Variants in NEB observed in about 807,000 individuals in gnomAD.
The protein encoded by NEB is nebulin.
In NEB, 512 loss-of-function variants were observed where a neutral mutation model predicts 952.2. The observed-to-expected ratio is 0.54, with a 90% CI of 0.50 to 0.58. NEB has a LOEUF of 0.58. NEB is among the 20% of genes least tolerant of loss of function. The pLI is 0.00. For missense variants in NEB, 8,428 were observed against 9,231.1 expected (o/e 0.91, Z 3.56); for synonymous variants, 2,900 against 3,149.8 (o/e 0.92, Z 2.66).
chr2:151,504,415 G>T (rs2067160908), intron 165 of NEB, among the ~76,000 whole-genome samples: 1 of 152,182 alleles, frequency 6.6e-6, no homozygotes, highest in South Asian at 2.1e-4. Flanking sequence ...AAGTTGTAAT[G>T]CAAAGTGACA....
intron 161 of NEB, 144 bp downstream of exon 161, chr2:151,512,589 C>T (rs964916091): frequency 2.9e-6 from 2 of 692,998 alleles, no homozygotes; most frequent in South Asian, 1.7e-5. Flanking sequence ...GCTGGGAATA[C>T]AGACGTGAGC....
chr2:151,578,722 G>GGAGGGAAGGAAGGAAGGAAT (rs1553828011), intron 105 of NEB, among the ~76,000 whole-genome samples: 1 of 148,566 alleles, frequency 6.7e-6, no homozygotes, highest in Non-Finnish European at 1.5e-5. Flanking sequence ...AAGGAAGGAA[G>GGAGGGAAGGAAGGAAGGAAT]GAGGGAAGGA....
chr2:151,642,128 C>T (rs191357992), intron 60 of NEB, among the ~76,000 whole-genome samples: 2 of 152,152 alleles, frequency 1.3e-5, no homozygotes, highest in Non-Finnish European at 2.9e-5. Flanking sequence ...TATTTGTAAC[C>T]CACCACCTGA....
chr2:151,705,312 CAT>C (rs1183094649), intron 13 of NEB, among the ~76,000 whole-genome samples: 1 of 152,022 alleles, frequency 6.6e-6, no homozygotes, highest in Non-Finnish European at 1.5e-5. Context: ...TCACTTTTTT[CAT>C]TCTGGGTTTT....
At chr2:151,642,742 C>T (rs768602584) in intron 59 of NEB, 23 bp downstream of exon 59, 51 of 1,601,766 alleles carry the variant, frequency 3.2e-5, no homozygotes, top group Middle Eastern at 1.7e-4. Context: ...AAATGTATCA[C>T]GCACTATGAA....
At position 151,671,125 on chromosome 2, in the gene NEB, A is replaced by G. The variant is rs913262706; in HGVS notation, c.4404T>C (p.Asn1468=). The G allele has an allele frequency of 1.2e-6, 2 of 1,613,856 alleles. No homozygotes were observed. The highest frequency in any genetic ancestry group is 2.7e-5 in the African/African-American group (2 of 74,920). Residue 1468 remains asparagine (N), a synonymous_variant, in exon 38 of 182, where the codon AAT becomes AAC. Coordinates refer to ENST00000397345, the MANE Select transcript of NEB (RefSeq NM_001164508.2). ...CTGGGTGCTGTCGATACTTCCTCTCATTTAATGCATCGCCTGCTTTCTTGA... is the reference window on the plus strand; with the variant it reads ...CTGGGTGCTGTCGATACTTCCTCTCGTTTAATGCATCGCCTGCTTTCTTGA... The part of the protein sequence containing the change: ...EKVKKAGDAL[N]ERKYRQHPDT...
chr2:151,546,136 CA>C, intron 134 of NEB, 138 bp from the exon 135 acceptor site: 1 of 727,356 alleles, frequency 1.4e-6, no homozygotes, highest in Non-Finnish European at 2.3e-6. Context: ...CAGGCAGGAG[CA>C]AAAACAATTG....
chr2:151,553,966 C>T lies in NEB; in HGVS notation c.19488G>A (p.Met6496Ile). Residue 6496 changes from methionine to isoleucine, a missense_variant, in exon 126 of 182, where the codon ATG (methionine) becomes ATA (isoleucine). This residue lies in a region of NEB where 3,374 missense variants were observed against 3,651.5 expected (regional missense o/e 0.92). Coordinates refer to ENST00000397345, the MANE Select transcript of NEB (RefSeq NM_001164508.2). ...AATCCTTGGCAGTAACCATCTCTAC[C>T]ATGTCGGGCACGATGTGGATTTTCA... The part of the protein sequence containing the change: ...NKMKIHIVPD[M>I]VEMVTAKDSQ... 1 of 1,613,852 alleles carries T rather than the reference C, an allele frequency of 6.2e-7. No individual in the cohort carries two copies. The highest frequency in any genetic ancestry group is 8.5e-7 in the Non-Finnish European group (1 of 1,179,800).
intron 34 of NEB, among the ~76,000 whole-genome samples, chr2:151,675,707 C>T (rs1051521522): frequency 2.0e-5 from 3 of 152,098 alleles, no homozygotes; most frequent in African/African-American, 4.8e-5. Context: ...TTATTATTTG[C>T]CTGTGAGTTA....
Position 151,506,429 on chromosome 2 carries a change from A to G in NEB, c.23557-171T>C, listed in dbSNP as rs1304491968. On this transcript the variant is annotated intron_variant, in intron 163 of 181. Coordinates refer to ENST00000397345, the MANE Select transcript of NEB (RefSeq NM_001164508.2). ...TTCCATGTCAGTATCAGTGACTCAGACCAGTTATACAACATGGATCTTTCC... is the reference window on the plus strand; with the variant it reads ...TTCCATGTCAGTATCAGTGACTCAGGCCAGTTATACAACATGGATCTTTCC... 5 of 591,156 alleles carry G rather than the reference A, an allele frequency of 8.5e-6. No homozygotes were observed. The Admixed American group carries it at 1.5e-4, about 18-fold the overall frequency. 36.6% of individuals were successfully genotyped at this position (591,156 alleles called of 1,614,324 possible).
At chr2:151,498,201 T>C in intron 170 of NEB, 59 bp downstream of exon 170, 1 of 1,548,972 alleles carries the variant, frequency 6.5e-7, no homozygotes, top group Non-Finnish European at 8.7e-7. Context: ...TAAATAAATG[T>C]AAAGATCAGT....
rs542880285 is a variant in NEB, at chr2:151,731,365, G to A, written c.37-1709C>T. Among the ~76,000 whole-genome samples the A allele has an allele frequency of 2.6e-5, 4 of 152,292 alleles. No individual in the cohort carries two copies. In the East Asian group the frequency reaches 7.7e-4, roughly 29 times the overall value. ...CTTTTCAAGTTTAAGTTAGAGTAGAGAGAACAGTAAAACTTTATTTCAGAT... is the reference window on the plus strand; with the variant it reads ...CTTTTCAAGTTTAAGTTAGAGTAGAAAGAACAGTAAAACTTTATTTCAGAT... On this transcript the variant is annotated intron_variant, in intron 3 of 181. Coordinates refer to ENST00000397345, the MANE Select transcript of NEB (RefSeq NM_001164508.2).
In NEB at chr2:151,576,245, A is replaced by G. The variant is rs527672223; in HGVS notation, c.16814T>C (p.Val5605Ala). ...KNAQNIFCDS[V>A]YRTPVVNLKY... ...AAGGTTCACCACAGGCGTCCGATAG[A>G]CACTGTCACAAAAGATATTCTGGGC... is the stretch of plus-strand genomic sequence containing the variant. The change falls in exon 106 of 182, where the codon GTC (valine) becomes GCC (alanine). Residue 5605 changes from valine to alanine, a missense_variant. Coordinates refer to ENST00000397345, the MANE Select transcript of NEB (RefSeq NM_001164508.2). 4 of 1,611,484 alleles carry G rather than the reference A, an allele frequency of 2.5e-6. No homozygotes were observed. The Admixed American group carries it at 6.7e-5, about 27-fold the overall frequency.
At chr2:151,507,722 G>A (rs1207269231) in intron 162 of NEB, 1 of 351,762 alleles carries the variant, frequency 2.8e-6, no homozygotes, top group Non-Finnish European at 5.2e-6. Context: ...TCTGTCTTTT[G>A]TTACAGGGGT....
In NEB at chr2:151,525,204, C is replaced by T. The variant is rs779124287; in HGVS notation, c.22231G>A (p.Glu7411Lys). The stretch of plus-strand genomic sequence containing the variant: ...GCCACTTCCATAGCATGTTTCACCT[C>T]TGGTGGCTCCAGCATGATGGAGTAG... ...SNYSIMLEPP[E>K]VKHAMEVAKK... The change falls in exon 151 of 182, where the codon GAG (glutamate) becomes AAG (lysine). Residue 7411 changes from glutamate (E) to lysine (K), a missense_variant. Glu to Lys is a moderately conservative substitution (Grantham distance 56). Around this residue, in one of 11 missense-constraint regions of NEB, gnomAD observed 3,374 missense variants for 3,651.5 expected, o/e 0.92. Coordinates refer to ENST00000397345, the MANE Select transcript of NEB (RefSeq NM_001164508.2). 5.0e-6 allele frequency: 8 copies of T among 1,614,008 alleles called. No homozygotes were observed. The South Asian group carries it at 8.8e-5, about 18-fold the overall frequency.
rs768826001 is a variant in NEB, at chr2:151,524,394, G to C, written c.22396C>G (p.Arg7466Gly). 6.2e-7 allele frequency: 1 copy of C among 1,613,922 alleles called. No individual in the cohort carries two copies. Among genetic ancestry groups the C allele is most frequent in the Admixed American group, 1.7e-5 (1 of 60,024 alleles). ...CTTAAGCCATGGCTGCCTTCCTTGCGGTGCTTGGCTCTGTACTCCACCTGA... is the reference window on the plus strand; with the variant it reads ...CTTAAGCCATGGCTGCCTTCCTTGCCGTGCTTGGCTCTGTACTCCACCTGA... The part of the protein sequence containing the change: ...ASEVEYRAKH[R>G]KEGSHGLSML... The change falls in exon 153 of 182, where the codon CGC (arginine) becomes GGC (glycine). Residue 7466 changes from arginine (R) to glycine (G), a missense_variant. Transcript: ENST00000397345.
chr2:151,497,269 G>A, intron 171 of NEB: 1 of 912,376 alleles, frequency 1.1e-6, no homozygotes, highest in Non-Finnish European at 1.3e-6. Flanking sequence ...GGCTGTCAGA[G>A]TTATCCATGT....
chr2:151,503,897 C>T (rs960909958), intron 165 of NEB, among the ~76,000 whole-genome samples: 3 of 152,132 alleles, frequency 2.0e-5, no homozygotes, highest in South Asian at 4.1e-4. Flanking sequence ...GAATGTTCCT[C>T]GCTGGCTCCT....
At chr2:151,529,148 C>A in intron 146 of NEB, 62 bp downstream of exon 146, 2 of 1,082,220 alleles carry the variant, frequency 1.8e-6, no homozygotes, top group Middle Eastern at 4.0e-4. Context: ...TAAAAAGAGG[C>A]CATGTGTCCT....
Sources: gnomAD v4.1 joint callset for allele counts (sites outside exome capture counted in the v4.1 genomes callset) on GRCh38, gnomAD v4.1.1 for gene constraint, gnomAD v4.1.1 regional missense constraint, MANE v1.5 for transcripts, NCBI Gene and HGNC (gene_info 2026-07-23, HGNC 2026-07-21) for gene names.